The following KCTD1 variants were observed in gnomAD, a reference collection of about 807,000 sequenced individuals.
KCTD1 encodes BTB/POZ domain-containing protein KCTD1.
A neutral mutation model predicts 66.0 loss-of-function variants in KCTD1; 24 were observed. That is an observed-to-expected ratio of 0.36 (90% CI 0.26 to 0.51). The LOEUF (loss-of-function observed/expected upper bound fraction) is 0.51, where lower values mean the gene tolerates loss of function less well. Ranked by LOEUF, KCTD1 falls within the 20% of genes least tolerant of loss-of-function variation. The pLI is 0.95. For synonymous variants in KCTD1, 511 were observed against 517.2 expected (o/e 0.99, Z 0.16); for missense variants, 943 against 1,205.2 (o/e 0.78, Z 3.22).
chr18:26,600,751 A>C (rs1053026606), intron 1 of KCTD1, among the ~76,000 whole-genome samples: 1 of 151,660 alleles, frequency 6.6e-6, no homozygotes, highest in African/African-American at 2.4e-5. Flanking sequence ...CTTGTCTTTC[A>C]GAGTTGATAG....
At chr18:26,635,105 C>CT (rs893500477) in intron 1 of KCTD1, among the ~76,000 whole-genome samples, 3 of 152,030 alleles carry the variant, frequency 2.0e-5, no homozygotes, top group South Asian at 2.1e-4. Context: ...CTCATTATGG[C>CT]TTTTTTTGCA....
intron 1 of KCTD1, 50 bp downstream of exon 1, chr18:26,546,678 C>G (rs1232228459): frequency 6.6e-7 from 1 of 1,506,124 alleles, no homozygotes; most frequent in African/African-American, 1.4e-5. Context: ...AAAGTTAGTC[C>G]CGAAGTGGTA....
chr18:26,535,151 C>A (rs1268278103), intron 1 of KCTD1, among the ~76,000 whole-genome samples: 1 of 151,912 alleles, frequency 6.6e-6, no homozygotes, highest in Non-Finnish European at 1.5e-5. Flanking sequence ...AGAGGTAAAC[C>A]CTTCCCCCAT....
chr18:26,526,728 G>A (rs1229467507), intron 1 of KCTD1, among the ~76,000 whole-genome samples: 1 of 152,122 alleles, frequency 6.6e-6, no homozygotes, highest in Non-Finnish European at 1.5e-5. Flanking sequence ...AAAATGCTGA[G>A]CCAATCCCAC....
chr18:26,570,754 A>G (rs1011289633), intron 1 of KCTD1, among the ~76,000 whole-genome samples: 2 of 152,298 alleles, frequency 1.3e-5, no homozygotes, highest in Non-Finnish European at 1.5e-5. Flanking sequence ...ATGTTTCTCA[A>G]TTTACCATGG....
intron 1 of KCTD1, among the ~76,000 whole-genome samples, chr18:26,628,867 G>A (rs1987559513): frequency 6.6e-6 from 1 of 152,178 alleles, no homozygotes; most frequent in South Asian, 2.1e-4. Flanking sequence ...TTAAATCTGG[G>A]ACAGAATGAT....
At chr18:26,631,966 T>C (rs1266522922), upstream of KCTD1, among the ~76,000 whole-genome samples, 1 of 151,246 alleles carries the variant, frequency 6.6e-6, no homozygotes, top group Non-Finnish European at 1.5e-5. Flanking sequence ...AGGAGAATGG[T>C]GTGAACCCGG....
chr18:26,573,026 C>G (rs940746122), intron 1 of KCTD1, among the ~76,000 whole-genome samples: 1 of 151,878 alleles, frequency 6.6e-6, no homozygotes, highest in African/African-American at 2.4e-5. Flanking sequence ...AACCACCCCC[C>G]CCTTTTTTTT....
intron 3 of KCTD1, among the ~76,000 whole-genome samples, chr18:26,472,795 C>T (rs977331719): frequency 7.2e-5 from 11 of 152,252 alleles, no homozygotes; most frequent in African/African-American, 2.2e-4. Flanking sequence ...TGGCAAGCAC[C>T]TGCTTTCTAG....
intron 1 of KCTD1, among the ~76,000 whole-genome samples, chr18:26,608,001 C>T (rs1231018685): frequency 6.6e-6 from 1 of 152,102 alleles, no homozygotes; most frequent in African/African-American, 2.4e-5. Context: ...AAACTCCTGA[C>T]CTCAAGCAAT....
intron 4 of KCTD1, 30 bp from the exon 5 acceptor site, chr18:26,455,931 A>AG (rs894099610): frequency 6.2e-7 from 1 of 1,606,712 alleles, no homozygotes; most frequent in Non-Finnish European, 8.5e-7. Flanking sequence ...GCATCCAGTT[A>AG]GGGGTGAGGT....
intron 1 of KCTD1, among the ~76,000 whole-genome samples, chr18:26,611,507 C>T (rs1439541272): frequency 6.6e-6 from 1 of 152,152 alleles, no homozygotes; most frequent in East Asian, 1.9e-4. Context: ...TGCACCACCA[C>T]ACTCAGCTAA....
intron 1 of KCTD1, among the ~76,000 whole-genome samples, chr18:26,569,133 G>A (rs759855504): frequency 1.3e-5 from 2 of 152,090 alleles, no homozygotes; most frequent in African/African-American, 2.4e-5. Context: ...GCACTTTTAC[G>A]TGTATTAGCT....
upstream of KCTD1, among the ~76,000 whole-genome samples, chr18:26,552,200 C>T (rs1469503981): frequency 6.6e-6 from 1 of 152,184 alleles, no homozygotes; most frequent in Non-Finnish European, 1.5e-5. Flanking sequence ...AAATGTTTCC[C>T]CCTCGATTCA....
chr18:26,599,705 A>G, intron 1 of KCTD1: 1 of 1,514,464 alleles, frequency 6.6e-7, no homozygotes, highest in South Asian at 1.1e-5. Flanking sequence ...GCCAGTAGAG[A>G]CAGCTGTAGA....
intron 1 of KCTD1, among the ~76,000 whole-genome samples, chr18:26,563,845 G>A (rs1302058830): frequency 1.3e-5 from 2 of 152,132 alleles, no homozygotes; most frequent in Non-Finnish European, 2.9e-5. Flanking sequence ...TCTTGCCTTG[G>A]TAGTGCCAAC....
intron 1 of KCTD1, among the ~76,000 whole-genome samples, chr18:26,507,447 G>GA (rs1983099198): frequency 6.6e-6 from 1 of 152,126 alleles, no homozygotes; most frequent in South Asian, 2.1e-4. Flanking sequence ...AGGGATCACT[G>GA]AAGCCTTGAG....
chr18:26,454,968 C>T lies in KCTD1; in HGVS notation c.*775G>A, dbSNP rs891593118. The stretch of plus-strand genomic sequence containing the variant: ...CTCACCCCCACATGTGTGTTTCACA[C>T]AGACCTTATTTTTTAAACAGAGTTT... On this transcript the variant is annotated 3_prime_UTR_variant, in exon 5 of 5. Transcript: ENST00000580059. 6.6e-6 allele frequency: 1 copy of T among 152,660 alleles called. No homozygotes were observed. Among genetic ancestry groups the T allele is most frequent in the Non-Finnish European group, 1.5e-5 (1 of 68,048 alleles). 9.5% of individuals were successfully genotyped at this position (152,660 alleles called of 1,614,324 possible).
chr18:26,589,613 C>T (rs1251237689), intron 1 of KCTD1, among the ~76,000 whole-genome samples: 1 of 152,196 alleles, frequency 6.6e-6, no homozygotes, highest in African/African-American at 2.4e-5. Flanking sequence ...TAGTTACTAT[C>T]AATGGCCTAG....
Sources: gnomAD v4.1 joint callset for allele counts (sites outside exome capture counted in the v4.1 genomes callset) on GRCh38, gnomAD v4.1.1 for gene constraint, MANE v1.5 for transcripts, NCBI Gene and HGNC (gene_info 2026-07-23, HGNC 2026-07-21) for gene names.